Variants in GRIK4 observed in about 807,000 individuals in gnomAD.
GRIK4 encodes glutamate ionotropic receptor kainate type subunit 4.
A neutral mutation model predicts 104.9 loss-of-function variants in GRIK4; 40 were observed. That is an observed-to-expected ratio of 0.38 (90% confidence interval 0.30 to 0.50). The LOEUF is 0.50. Ranked by LOEUF, GRIK4 falls within the 20% of genes least tolerant of loss-of-function variation. The pLI, the probability that GRIK4 is intolerant of heterozygous loss-of-function variation, is 0.93. For synonymous variants in GRIK4, 485 were observed against 524.9 expected (o/e 0.92, Z 1.04); for missense variants, 1,047 against 1,308.1 (o/e 0.80, Z 3.08).
intron 1 of GRIK4, among the ~76,000 whole-genome samples, chr11:120,576,143 A>G (rs1244951316): frequency 6.6e-6 from 1 of 152,152 alleles, no homozygotes; most frequent in Non-Finnish European, 1.5e-5. Flanking sequence ...GCAGCTATAA[A>G]AAGGAATAGT....
intron 9 of GRIK4, among the ~76,000 whole-genome samples, chr11:120,866,377 G>T (rs2135648231): frequency 6.6e-6 from 1 of 152,324 alleles, no homozygotes; most frequent in East Asian, 1.9e-4. Context: ...TCTTCTGTGT[G>T]CAAAGCACCA....
intron 13 of GRIK4, among the ~76,000 whole-genome samples, chr11:120,906,666 G>A (rs1425227121): frequency 1.3e-5 from 2 of 152,330 alleles, no homozygotes; most frequent in East Asian, 3.8e-4. Flanking sequence ...ACTATTTGAG[G>A]TATTAAATAA....
At chr11:120,617,377 T>A (rs553533358) in intron 1 of GRIK4, among the ~76,000 whole-genome samples, 78 of 151,754 alleles carry the variant, frequency 5.1e-4, no homozygotes, top group Non-Finnish European at 8.5e-4. Context: ...TTATTTTATC[T>A]TATTTATTTA....
intron 1 of GRIK4, among the ~76,000 whole-genome samples, chr11:120,575,469 A>G (rs1948470754): frequency 6.6e-6 from 1 of 152,098 alleles, no homozygotes; most frequent in African/African-American, 2.4e-5. Flanking sequence ...TCCACCCCAC[A>G]GAACATTTTG....
chr11:120,664,752 T>C (rs907320258), intron 3 of GRIK4, among the ~76,000 whole-genome samples: 2 of 152,240 alleles, frequency 1.3e-5, no homozygotes, highest in Non-Finnish European at 2.9e-5. Context: ...TGCTCTTTTA[T>C]GGACACTTTT....
At chr11:120,691,291 G>T (rs759788936) in intron 3 of GRIK4, among the ~76,000 whole-genome samples, 5 of 152,184 alleles carry the variant, frequency 3.3e-5, no homozygotes, top group Non-Finnish European at 7.3e-5. Flanking sequence ...GAGCTCAGAA[G>T]CTCAGAAGTT....
At chr11:120,728,138 T>G (rs183689166) in intron 3 of GRIK4, among the ~76,000 whole-genome samples, 57 of 152,158 alleles carry the variant, frequency 3.7e-4, no homozygotes, top group East Asian at 1.5e-3. Context: ...TAACTGGGTT[T>G]TAAAGAAAAA....
intron 13 of GRIK4, among the ~76,000 whole-genome samples, chr11:120,917,514 G>T (rs1442818272): frequency 6.6e-6 from 1 of 152,144 alleles, no homozygotes; most frequent in Non-Finnish European, 1.5e-5. Context: ...ATGGCTGGGA[G>T]CCCCGAGCAG....
At chr11:120,779,028 G>A (rs925818529) in intron 3 of GRIK4, among the ~76,000 whole-genome samples, 2 of 152,164 alleles carry the variant, frequency 1.3e-5, no homozygotes, top group African/African-American at 4.8e-5. Context: ...GTCAGCTGGG[G>A]AGGTGAGCGC....
rs770494100 is a variant in GRIK4 at position 120,940,423 on chromosome 11, T to C, written c.1553T>C (p.Met518Thr). The change falls in exon 14 of 21, where the codon ATG becomes ACG. Residue 518 changes from methionine (M) to threonine (T), a missense_variant. Coordinates refer to ENST00000527524, the MANE Select transcript of GRIK4 (RefSeq NM_014619.5). The surrounding 1 kb of genome is among the most constrained non-coding windows in gnomAD (Gnocchi z 4.3). ...EKVIDFSKPF[M>T]TLGISILYRV... is the part of the protein sequence containing the mutation. ...GTGATTGATTTCTCTAAGCCATTCA[T>C]GACTCTGGGAATTAGCATTCTTTAC... 1.2e-5 allele frequency: 19 copies of C among 1,612,592 alleles called. No homozygotes were observed. Among genetic ancestry groups the C allele is most frequent in the Non-Finnish European group, 1.5e-5 (18 of 1,178,680 alleles).
intron 3 of GRIK4, among the ~76,000 whole-genome samples, chr11:120,711,298 G>T (rs1950731701): frequency 6.6e-6 from 1 of 152,176 alleles, no homozygotes; most frequent in African/African-American, 2.4e-5. Context: ...ATTAAACCTT[G>T]GGTCTTAACT....
chr11:120,643,399 G>A (rs1362719025), intron 1 of GRIK4, among the ~76,000 whole-genome samples: 2 of 152,174 alleles, frequency 1.3e-5, no homozygotes, highest in African/African-American at 4.8e-5. Flanking sequence ...AATGTGCAGG[G>A]TGTGCCTGAG....
At chr11:120,799,788 A>C (rs778028600) in intron 3 of GRIK4, among the ~76,000 whole-genome samples, 4 of 152,230 alleles carry the variant, frequency 2.6e-5, no homozygotes, top group African/African-American at 9.6e-5. Context: ...TGGCACTGCC[A>C]GTTCCTGATA....
At chr11:120,848,500 G>A (rs1474034843) in intron 8 of GRIK4, among the ~76,000 whole-genome samples, 1 of 152,108 alleles carries the variant, frequency 6.6e-6, no homozygotes, top group Admixed American at 6.5e-5. Flanking sequence ...ATCAGAGAAG[G>A]GACCCTTCCC....
chr11:120,545,203 C>T (rs970075861), intron 1 of GRIK4, among the ~76,000 whole-genome samples: 3 of 152,160 alleles, frequency 2.0e-5, no homozygotes, highest in African/African-American at 7.2e-5. Flanking sequence ...TCTTACTACA[C>T]GTCCTTATGT....
intron 1 of GRIK4, among the ~76,000 whole-genome samples, chr11:120,527,863 C>T (rs970991439): frequency 6.6e-6 from 1 of 152,256 alleles, no homozygotes; most frequent in African/African-American, 2.4e-5. Context: ...GAACCAGCCT[C>T]ACCTCCTCTG....
intron 3 of GRIK4, among the ~76,000 whole-genome samples, chr11:120,802,485 A>G (rs149813557): frequency 6.6e-6 from 1 of 152,280 alleles, no homozygotes; most frequent in Non-Finnish European, 1.5e-5. Context: ...CATCCACATT[A>G]GAATTCACTT....
intron 3 of GRIK4, among the ~76,000 whole-genome samples, chr11:120,713,836 G>A (rs1014211258): frequency 6.6e-6 from 1 of 152,156 alleles, no homozygotes. Context: ...TGGAAGATAG[G>A]GAAAGGAAGG....
chr11:120,745,617 A>G (rs1396706257), intron 3 of GRIK4, among the ~76,000 whole-genome samples: 1 of 152,196 alleles, frequency 6.6e-6, no homozygotes, highest in Non-Finnish European at 1.5e-5. Flanking sequence ...GGGTATGAAC[A>G]TCTTAAAGCA....
Sources: gnomAD v4.1 joint callset for allele counts (sites outside exome capture counted in the v4.1 genomes callset) on GRCh38, gnomAD v4.1.1 for gene constraint, Gnocchi (gnomAD v3.1) non-coding constraint, MANE v1.5 for transcripts, NCBI Gene and HGNC (gene_info 2026-07-23, HGNC 2026-07-21) for gene names.